SGCZ: variants seen among roughly 807,000 people sequenced by gnomAD.
The protein encoded by SGCZ is sarcoglycan zeta.
SGCZ carries 40 observed loss-of-function variants against 41.3 expected under a neutral mutation model. The observed-to-expected ratio is 0.97, with a 90% CI of 0.75 to 1.26. The LOEUF (loss-of-function observed/expected upper bound fraction) is 1.26, where lower values mean the gene tolerates loss of function less well. Ranked by LOEUF, SGCZ falls within the 50% of genes most tolerant of loss-of-function variation. SGCZ has a pLI of 0.00. For synonymous variants in SGCZ, 206 were observed against 137.5 expected, an observed-to-expected ratio of 1.50 and a Z score of -3.49; for missense variants, 552 against 369.8, an observed-to-expected ratio of 1.49 and a Z score of -4.04.
At chr8:14,640,238 G>C (rs1374496152) in intron 1 of SGCZ, among the ~76,000 whole-genome samples, 1 of 151,668 alleles carries the variant, frequency 6.6e-6, no homozygotes, top group Non-Finnish European at 1.5e-5. Context: ...CCTGTAAAGT[G>C]TCCTTCAGAA....
chr8:15,229,297 T>G (rs1801875262), intron 1 of SGCZ, among the ~76,000 whole-genome samples: 1 of 152,216 alleles, frequency 6.6e-6, no homozygotes, highest in African/African-American at 2.4e-5. Context: ...TAAAAAGGAT[T>G]TTAATAATTT....
chr8:14,309,438 A>G, intron 3 of SGCZ: 1 of 1,606,756 alleles, frequency 6.2e-7, no homozygotes, highest in Non-Finnish European at 8.5e-7. Context: ...CTTATTGGAC[A>G]ATCTTCTGAT....
chr8:14,447,451 A>C (rs1421335802), intron 2 of SGCZ, among the ~76,000 whole-genome samples: 2 of 152,190 alleles, frequency 1.3e-5, no homozygotes, highest in Non-Finnish European at 2.9e-5. Context: ...TACCAAGTTA[A>C]ATATTTAAGA....
intron 1 of SGCZ, among the ~76,000 whole-genome samples, chr8:15,168,660 G>A: frequency 6.6e-6 from 1 of 151,874 alleles, no homozygotes; most frequent in East Asian, 1.9e-4. Flanking sequence ...TTTCTAGATG[G>A]GTAGCCATTC....
At chr8:14,463,472 A>G (rs1013668067) in intron 2 of SGCZ, among the ~76,000 whole-genome samples, 1 of 151,328 alleles carries the variant, frequency 6.6e-6, no homozygotes, top group Admixed American at 6.6e-5. Context: ...ACTTAATACC[A>G]TATATAACAA....
At chr8:14,506,811 T>C (rs1802319474) in intron 2 of SGCZ, among the ~76,000 whole-genome samples, 1 of 152,186 alleles carries the variant, frequency 6.6e-6, no homozygotes, top group Admixed American at 6.6e-5. Flanking sequence ...GAAAATCCTG[T>C]TTGACTTCAG....
At chr8:14,806,403 C>T (rs1353101716) in intron 1 of SGCZ, among the ~76,000 whole-genome samples, 1 of 150,728 alleles carries the variant, frequency 6.6e-6, no homozygotes, top group Non-Finnish European at 1.5e-5. Context: ...GGGGATATCA[C>T]CACCGATCCC....
At chr8:14,943,770 C>T (rs1800354339) in intron 1 of SGCZ, among the ~76,000 whole-genome samples, 1 of 152,036 alleles carries the variant, frequency 6.6e-6, no homozygotes, top group Non-Finnish European at 1.5e-5. Flanking sequence ...CTGTTTTTCC[C>T]CTCTTTGTGT....
At chr8:15,008,196 A>C (rs1389113388) in intron 1 of SGCZ, among the ~76,000 whole-genome samples, 1 of 152,116 alleles carries the variant, frequency 6.6e-6, no homozygotes, top group Non-Finnish European at 1.5e-5. Flanking sequence ...TCCTGGAGGC[A>C]TGTCCTCTTG....
chr8:14,745,625 A>T (rs1799318754), intron 1 of SGCZ, among the ~76,000 whole-genome samples: 1 of 151,944 alleles, frequency 6.6e-6, no homozygotes, highest in Non-Finnish European at 1.5e-5. Context: ...CTGTGTATGT[A>T]TGTACATATA....
At chr8:14,602,174 G>A (rs898845919) in intron 1 of SGCZ, among the ~76,000 whole-genome samples, 13 of 151,954 alleles carry the variant, frequency 8.6e-5, no homozygotes, top group Non-Finnish European at 1.5e-5. Flanking sequence ...GTGGATATAT[G>A]GTAATTTTTC....
At chr8:14,324,577 T>G (rs1802030374) in intron 2 of SGCZ, among the ~76,000 whole-genome samples, 1 of 152,104 alleles carries the variant, frequency 6.6e-6, no homozygotes, top group South Asian at 2.1e-4. Context: ...CTAGTAATAT[T>G]TTTACATTAC....
chr8:14,603,401 T>C (rs1186397111), intron 1 of SGCZ, among the ~76,000 whole-genome samples: 1 of 152,194 alleles, frequency 6.6e-6, no homozygotes, highest in Admixed American at 6.5e-5. Context: ...TGCTAGGATA[T>C]GGTTGTTATC....
At chr8:14,712,045 G>A (rs1318083578) in intron 1 of SGCZ, among the ~76,000 whole-genome samples, 1 of 152,152 alleles carries the variant, frequency 6.6e-6, no homozygotes, top group Non-Finnish European at 1.5e-5. Flanking sequence ...GAGGTGGGTG[G>A]ATCACCTGAG....
intron 2 of SGCZ, among the ~76,000 whole-genome samples, chr8:14,546,565 T>C (rs2117165682): frequency 6.6e-6 from 1 of 152,274 alleles, no homozygotes; most frequent in Admixed American, 6.5e-5. Flanking sequence ...GTAGTCATAC[T>C]TGGCACTTAC....
At chr8:14,852,249 T>C (rs913888337) in intron 1 of SGCZ, among the ~76,000 whole-genome samples, 3 of 152,218 alleles carry the variant, frequency 2.0e-5, no homozygotes, top group Non-Finnish European at 4.4e-5. Context: ...TGTACTATAT[T>C]GCCTTATGTT....
intron 2 of SGCZ, among the ~76,000 whole-genome samples, chr8:14,431,981 T>A (rs964291468): frequency 1.3e-5 from 2 of 151,946 alleles, no homozygotes; most frequent in African/African-American, 2.4e-5. Context: ...CAATGCGATA[T>A]CACCTTACTC....
chr8:14,487,878 G>C (rs1009617929), intron 2 of SGCZ: 8 of 149,726 alleles, frequency 5.3e-5, no homozygotes, highest in African/African-American at 2.0e-4. Flanking sequence ...ACCGAAGTGA[G>C]CGTCTTAAGG....
At chr8:14,129,450 G>A (rs1802968324) in intron 5 of SGCZ, among the ~76,000 whole-genome samples, 1 of 133,262 alleles carries the variant, frequency 7.5e-6, no homozygotes, top group Admixed American at 7.5e-5. Flanking sequence ...TAAACATGTA[G>A]AAATTAAACA....
Sources: allele counts gnomAD v4.1 joint callset (sites outside exome capture counted in the v4.1 genomes callset), GRCh38; gene constraint gnomAD v4.1.1; transcripts MANE v1.5; gene names NCBI Gene and HGNC (gene_info 2026-07-23, HGNC 2026-07-21).